The following BCAS3 variants were observed in gnomAD, a reference collection of about 807,000 sequenced individuals.
The protein encoded by BCAS3 is BCAS3 microtubule associated cell migration factor, also known as BCAS4/BCAS3 fusion.
BCAS3 carries 53 observed loss-of-function variants against 116.1 expected under a neutral mutation model. That is an observed-to-expected ratio of 0.46 (90% CI 0.37 to 0.57). The LOEUF is 0.57. Ranked by LOEUF, BCAS3 falls within the 20% of genes least tolerant of loss-of-function variation. The pLI is 0.00. For missense variants in BCAS3, 917 were observed against 1,165.4 expected (o/e 0.79, Z 3.10); for synonymous variants, 391 against 408.2 (o/e 0.96, Z 0.51).
At chr17:61,195,638 A>G (rs1275119675) in intron 22 of BCAS3, among the ~76,000 whole-genome samples, 3 of 151,846 alleles carry the variant, frequency 2.0e-5, no homozygotes, top group African/African-American at 7.3e-5. Context: ...TGGCTTCCCA[A>G]AGTGCTGGGA....
chr17:60,985,294 C>T (rs143874420), intron 14 of BCAS3, among the ~76,000 whole-genome samples: 56 of 151,566 alleles, frequency 3.7e-4, no homozygotes, highest in Middle Eastern at 3.4e-3. Context: ...TACAGGCATG[C>T]GCCACTATGC....
chr17:61,027,506 T>A (rs1047938236), intron 16 of BCAS3: 1 of 378,132 alleles, frequency 2.6e-6, no homozygotes, highest in Admixed American at 3.3e-5. Context: ...TGGTAAATTC[T>A]TTCATGTCAG....
chr17:61,334,271 A>G (rs1176255332), intron 22 of BCAS3, among the ~76,000 whole-genome samples: 1 of 152,230 alleles, frequency 6.6e-6, no homozygotes. Flanking sequence ...GTAGGAGACA[A>G]GGGTGAGCTG....
rs1317118669 is a variant in BCAS3 at position 61,029,225 on chromosome 17, G to A, written c.1638-5441G>A. ...AACGTTAACACTTAGCTAAGAATTT[G>A]CTTTTGGTATATCACAATTTCTGCT... On this transcript the variant is annotated intron_variant, in intron 16 of 23. Coordinates refer to ENST00000407086, the MANE Select transcript of BCAS3 (RefSeq NM_017679.5). This position sits in a 1 kb window ranked among gnomAD's most constrained non-coding sequence, Gnocchi z 5.2. Among the ~76,000 whole-genome samples the A allele has an allele frequency of 6.6e-6, 1 of 151,874 alleles. No individual in the cohort carries two copies. Among genetic ancestry groups the A allele is most frequent in the Non-Finnish European group, 1.5e-5 (1 of 67,840 alleles).
At position 61,261,887 on chromosome 17, in the gene BCAS3, C is replaced by T. The variant is rs571954740; in HGVS notation, c.2426-106440C>T. 6.6e-6 allele frequency among the ~76,000 whole-genome samples: 1 copy of T among 152,196 alleles called. No homozygotes were observed. The highest frequency in any genetic ancestry group is 6.5e-5 in the Admixed American group (1 of 15,272). On this transcript the variant is annotated intron_variant, in intron 22 of 23. Coordinates refer to ENST00000407086, the MANE Select transcript of BCAS3 (RefSeq NM_017679.5). This position sits in a 1 kb window ranked among gnomAD's most constrained non-coding sequence, Gnocchi z 4.4. ...ATTTGAATATAATTATTTAAAGACACATGGAAGCTGGGGGCAGAGCTTTAG... is the reference window on the plus strand; with the variant it reads ...ATTTGAATATAATTATTTAAAGACATATGGAAGCTGGGGGCAGAGCTTTAG...
intron 18 of BCAS3, 118 bp downstream of exon 18, chr17:61,038,172 C>A: frequency 1.2e-6 from 1 of 853,186 alleles, no homozygotes; most frequent in Non-Finnish European, 1.7e-6. Context: ...CCACAATTAA[C>A]ATGGTAAACA....
intron 22 of BCAS3, among the ~76,000 whole-genome samples, chr17:61,298,196 A>G (rs987884372): frequency 5.9e-5 from 9 of 152,178 alleles, no homozygotes; most frequent in African/African-American, 1.9e-4. Context: ...CTCACCAAAG[A>G]CATAGGCCTG....
rs111699928 is a variant in BCAS3 at position 60,761,616 on chromosome 17, T to G, written c.403+14337T>G. On this transcript the variant is annotated intron_variant, in intron 6 of 23. Coordinates refer to ENST00000407086, the MANE Select transcript of BCAS3 (RefSeq NM_017679.5). The stretch of plus-strand genomic sequence containing the variant: ...AATCCAGTCTATCATTGATGGACAT[T>G]TGGGTTGGTTCCATGTATTTGCTTT... 6.7e-3 allele frequency among the ~76,000 whole-genome samples: 1,018 copies of G among 152,300 alleles called. 5 individuals carry two copies. The highest frequency in any genetic ancestry group is 0.023 in the African/African-American group (964 of 41,556).
At chr17:60,840,183 T>C (rs1313329939) in intron 7 of BCAS3, among the ~76,000 whole-genome samples, 2 of 152,174 alleles carry the variant, frequency 1.3e-5, no homozygotes, top group Admixed American at 1.3e-4. Flanking sequence ...TAAATATTTT[T>C]GTTAGGGATT....
rs940599325 is a variant in BCAS3, at chr17:61,256,534, C to A, written c.2426-111793C>A. ...TGCCAGGCCGGTCTCAAACTCCTGGCCTCAAGTGATCCACCCACCTGGGCC... is the reference window on the plus strand; with the variant it reads ...TGCCAGGCCGGTCTCAAACTCCTGGACTCAAGTGATCCACCCACCTGGGCC... On this transcript the variant is annotated intron_variant, in intron 22 of 23. Transcript: ENST00000407086. The surrounding 1 kb of genome is among the most constrained non-coding windows in gnomAD (Gnocchi z 5.6). Among the ~76,000 whole-genome samples the A allele has an allele frequency of 6.6e-6, 1 of 152,024 alleles. No homozygotes were observed. Among genetic ancestry groups the A allele is most frequent in the Admixed American group, 6.6e-5 (1 of 15,262 alleles).
chr17:60,897,174 G>T (rs1292088045), intron 10 of BCAS3, among the ~76,000 whole-genome samples: 1 of 152,120 alleles, frequency 6.6e-6, no homozygotes, highest in Non-Finnish European at 1.5e-5. Context: ...GGGTAATTTT[G>T]CTGGATACAG....
At chr17:60,681,425 G>A (rs1162695819) in intron 2 of BCAS3, among the ~76,000 whole-genome samples, 1 of 151,632 alleles carries the variant, frequency 6.6e-6, no homozygotes, top group Non-Finnish European at 1.5e-5. Context: ...GCTTGAACCC[G>A]GGAGGCGGAG....
chr17:60,855,184 G>A (rs1448971701), intron 7 of BCAS3, among the ~76,000 whole-genome samples: 6 of 151,208 alleles, frequency 4.0e-5, no homozygotes, highest in African/African-American at 9.7e-5. Flanking sequence ...TCCTGACCTC[G>A]TGATCTACCC....
intron 22 of BCAS3, among the ~76,000 whole-genome samples, chr17:61,246,792 A>AGAGTGTGT (rs932168562): frequency 2.0e-4 from 29 of 144,236 alleles, no homozygotes; most frequent in Admixed American, 1.5e-3. Flanking sequence ...TTTGAGTGAG[A>AGAGTGTGT]GTGTGTGTGT....
intron 9 of BCAS3, among the ~76,000 whole-genome samples, chr17:60,881,977 A>G (rs1422753967): frequency 1.3e-5 from 2 of 149,102 alleles, no homozygotes; most frequent in South Asian, 4.2e-4. Context: ...GGCTGGGTAA[A>G]ATGGTATTTC....
intron 5 of BCAS3, among the ~76,000 whole-genome samples, chr17:60,729,888 C>T (rs939877216): frequency 6.6e-6 from 1 of 152,208 alleles, no homozygotes; most frequent in African/African-American, 2.4e-5. Flanking sequence ...GGCCGACACT[C>T]TCTATAATGG....
chr17:60,841,657 G>A (rs2051938689), intron 7 of BCAS3, among the ~76,000 whole-genome samples: 1 of 151,548 alleles, frequency 6.6e-6, no homozygotes, highest in Admixed American at 6.6e-5. Context: ...TGGGATTACA[G>A]GCATGAGCCA....
chr17:60,974,586 A>G (rs1320822969), intron 14 of BCAS3, among the ~76,000 whole-genome samples: 1 of 152,220 alleles, frequency 6.6e-6, no homozygotes, highest in African/African-American at 2.4e-5. Context: ...TAAAGAACAA[A>G]TATCTTAGCA....
At chr17:60,988,738 A>C (rs2063337961) in intron 14 of BCAS3, among the ~76,000 whole-genome samples, 1 of 151,558 alleles carries the variant, frequency 6.6e-6, no homozygotes, top group South Asian at 2.1e-4. Context: ...ATCAGTCATA[A>C]TGTCTCCTTT....
Sources: gnomAD v4.1 joint callset for allele counts (sites outside exome capture counted in the v4.1 genomes callset) on GRCh38, gnomAD v4.1.1 for gene constraint, Gnocchi (gnomAD v3.1) non-coding constraint, MANE v1.5 for transcripts, NCBI Gene and HGNC (gene_info 2026-07-23, HGNC 2026-07-21) for gene names.